RANBP2: variants seen among roughly 807,000 people sequenced by gnomAD.
RANBP2 encodes E3 SUMO-protein ligase RanBP2.
A neutral mutation model predicts 303.6 loss-of-function variants in RANBP2; 57 were observed. The observed-to-expected ratio is 0.19, with a 90% CI of 0.15 to 0.23. RANBP2 has a LOEUF of 0.23. RANBP2 is among the 10% of genes least tolerant of loss of function. The pLI, the probability that RANBP2 is intolerant of heterozygous loss-of-function variation, is 1.00. For synonymous variants in RANBP2, 1,167 were observed against 1,301.5 expected, an observed-to-expected ratio of 0.90 and a Z score of 2.23; for missense variants, 3,138 against 3,780.8, an observed-to-expected ratio of 0.83 and a Z score of 4.46.
chr2:109,295,879 T>C, the RANBP2 span, among the ~76,000 whole-genome samples: 2 of 152,122 alleles, frequency 1.3e-5, no homozygotes, highest in Admixed American at 1.3e-4. Context: ...CAGGTGTAAG[T>C]GGGAGCTCCT....
the RANBP2 span, among the ~76,000 whole-genome samples, chr2:109,652,435 C>T: frequency 1.3e-3 from 201 of 152,234 alleles, no homozygotes; most frequent in African/African-American, 4.4e-3. Context: ...CTGTGTTAGC[C>T]AGGATGGTCT....
the RANBP2 span, among the ~76,000 whole-genome samples, chr2:109,231,486 T>A: frequency 2.0e-5 from 3 of 152,178 alleles, no homozygotes; most frequent in South Asian, 6.2e-4. Context: ...GTGCTTAAAT[T>A]TTTTTCCAGA....
At chr2:109,488,373 C>G in the RANBP2 span, among the ~76,000 whole-genome samples, 1 of 152,340 alleles carries the variant, frequency 6.6e-6, no homozygotes, top group African/African-American at 2.4e-5. Context: ...AGGTCACCCT[C>G]TCATCAAGAA....
chr2:109,343,731 C>T, the RANBP2 span, among the ~76,000 whole-genome samples: 27,328 of 150,354 alleles, frequency 0.18, 2,630 homozygotes, highest in African/African-American at 0.24. Context: ...TGCCCTGCTC[C>T]TGCCCTGGTT....
chr2:109,079,928 T>C, the RANBP2 span, among the ~76,000 whole-genome samples: 145,962 of 152,320 alleles, frequency 0.96, 70,222 homozygotes, highest in Non-Finnish European at 1. Flanking sequence ...CGGCCATGGG[T>C]GTGAGTCACC....
chr2:109,221,918 C>A, the RANBP2 span, among the ~76,000 whole-genome samples: 1 of 151,888 alleles, frequency 6.6e-6, no homozygotes, highest in East Asian at 1.9e-4. Context: ...GCATTTATTG[C>A]AGCACTAGTC....
the RANBP2 span, among the ~76,000 whole-genome samples, chr2:109,031,591 G>A: frequency 1.3e-5 from 2 of 152,166 alleles, no homozygotes; most frequent in Admixed American, 6.5e-5. Context: ...CACGTGCGGC[G>A]AGGAGGGCGC....
chr2:109,709,815 C>T, the RANBP2 span, among the ~76,000 whole-genome samples: 8 of 152,116 alleles, frequency 5.3e-5, no homozygotes, highest in East Asian at 1.9e-4. Context: ...TCGCTGGGCA[C>T]GGTGGCTCAC....
chr2:109,254,037 C>A, the RANBP2 span, among the ~76,000 whole-genome samples: 2 of 152,096 alleles, frequency 1.3e-5, no homozygotes, highest in African/African-American at 4.8e-5. Context: ...ATTCACATCA[C>A]ATTTATCCTA....
the RANBP2 span, among the ~76,000 whole-genome samples, chr2:109,650,207 G>A: frequency 1.3e-5 from 2 of 152,196 alleles, no homozygotes; most frequent in Non-Finnish European, 1.5e-5. Context: ...AGCATGAATC[G>A]GGTTTGGAGA....
chr2:109,242,171 G>A, the RANBP2 span, among the ~76,000 whole-genome samples: 4 of 152,250 alleles, frequency 2.6e-5, no homozygotes, highest in Admixed American at 2.6e-4. Context: ...TCTTGTCTGT[G>A]TTGGTGTCCT....
the RANBP2 span, among the ~76,000 whole-genome samples, chr2:109,533,114 C>A: frequency 6.6e-6 from 1 of 152,100 alleles, no homozygotes. Flanking sequence ...AGAGGGAGGA[C>A]AGGATAGCAC....
At chr2:108,917,301 C>A in the RANBP2 span, among the ~76,000 whole-genome samples, 1 of 152,108 alleles carries the variant, frequency 6.6e-6, no homozygotes, top group Admixed American at 6.5e-5. Context: ...TTAACAAATA[C>A]AAAAGTCCAG....
the RANBP2 span, among the ~76,000 whole-genome samples, chr2:109,301,592 G>A: frequency 8.5e-5 from 13 of 152,106 alleles, no homozygotes; most frequent in East Asian, 1.9e-4. Context: ...CGCTACCACC[G>A]TCCCCAGGGC....
At chr2:109,585,871 T>TA in the RANBP2 span, 573 of 1,542,310 alleles carry the variant, frequency 3.7e-4, 2 homozygotes, top group African/African-American at 7.7e-4. Flanking sequence ...ACAACAGCAA[T>TA]AAAAAAAACA....
At chr2:109,012,521 C>T in the RANBP2 span, among the ~76,000 whole-genome samples, 1 of 152,188 alleles carries the variant, frequency 6.6e-6, no homozygotes, top group Non-Finnish European at 1.5e-5. Flanking sequence ...TCTTCAGTGG[C>T]CCCTCCGGCA....
At chr2:108,861,286 A>G in the RANBP2 span, among the ~76,000 whole-genome samples, 2 of 151,040 alleles carry the variant, frequency 1.3e-5, no homozygotes, top group African/African-American at 4.9e-5. Context: ...ACACTTTTTC[A>G]TTTCGTCGAT....
the RANBP2 span, among the ~76,000 whole-genome samples, chr2:109,542,693 G>A: frequency 1.3e-5 from 2 of 152,172 alleles, no homozygotes; most frequent in African/African-American, 4.8e-5. Flanking sequence ...AGAAACTTCT[G>A]AGCTTGTTCT....
chr2:109,362,153 A>C, the RANBP2 span, among the ~76,000 whole-genome samples: 1 of 151,990 alleles, frequency 6.6e-6, no homozygotes, highest in Non-Finnish European at 1.5e-5. Context: ...GTGAAGATTT[A>C]GATTATTTAT....
Sources: gnomAD v4.1 joint callset for allele counts (sites outside exome capture counted in the v4.1 genomes callset) on GRCh38, gnomAD v4.1.1 for gene constraint, MANE v1.5 for transcripts, NCBI Gene and HGNC (gene_info 2026-07-23, HGNC 2026-07-21) for gene names.